The following RHPN1 variants were observed in gnomAD, a reference collection of about 807,000 sequenced individuals.
RHPN1 encodes the protein rhophilin-1.
RHPN1 carries 77 observed loss-of-function variants against 74.7 expected under a neutral mutation model. That is an observed-to-expected ratio of 1.03 (90% CI 0.86 to 1.25). The LOEUF (loss-of-function observed/expected upper bound fraction) is 1.25. Among genes scored for constraint, RHPN1 ranks in the 50% most tolerant of loss-of-function variants. The probability of loss-of-function intolerance (pLI) is 0.00; values close to 1 mark genes in which losing one functional copy is unlikely to be tolerated. For missense variants in RHPN1, 987 were observed against 932.2 expected (o/e 1.06, Z -0.77); for synonymous variants, 444 against 414.5 (o/e 1.07, Z -0.87).
chr8:143,375,729 C>T (rs1586814555), intron 2 of RHPN1, 61 bp downstream of exon 2: 3 of 1,281,940 alleles, frequency 2.3e-6, no homozygotes, highest in African/African-American at 1.5e-5. Flanking sequence ...GGGGGCAGGA[C>T]AGCCACGCAG....
chr8:143,375,735 C>T (rs772737645), intron 2 of RHPN1, 67 bp downstream of exon 2: 40 of 1,235,034 alleles, frequency 3.2e-5, no homozygotes, highest in Admixed American at 1.2e-4. Flanking sequence ...AGGACAGCCA[C>T]GCAGGCAGAT....
intron 1 of RHPN1, among the ~76,000 whole-genome samples, chr8:143,370,590 G>A (rs1817758455): frequency 6.6e-6 from 1 of 152,236 alleles, no homozygotes; most frequent in Non-Finnish European, 1.5e-5. Context: ...TTTGCCCCAG[G>A]CGTGATGAGA....
chr8:143,376,635 A>G lies in RHPN1; in HGVS notation c.287A>G (p.Asp96Gly). ...CTGGAGGAGCTCAGCGGTGGCGTGG[A>G]CCCTGGCCGGCATGGGAGGTGCGGG... ...EELEELSGGV[D>G]PGRHGSEAVT... Residue 96 changes from aspartate to glycine, a missense_variant, in exon 3 of 15, where the codon GAC becomes GGC. By Grantham distance (94) the Asp-to-Gly change is moderately conservative. Coordinates refer to ENST00000289013, the MANE Select transcript of RHPN1 (RefSeq NM_052924.3). 6.4e-7 allele frequency: 1 copy of G among 1,574,410 alleles called. No individual in the cohort carries two copies. Among genetic ancestry groups the G allele is most frequent in the Non-Finnish European group, 8.6e-7 (1 of 1,160,476 alleles).
intron 8 of RHPN1, 91 bp downstream of exon 8, chr8:143,379,599 C>G: frequency 6.9e-7 from 1 of 1,457,748 alleles, no homozygotes; most frequent in Non-Finnish European, 9.1e-7. Flanking sequence ...CTCCCACCTC[C>G]TTCCTTGTGT....
At chr8:143,381,782 C>T (rs1373425684) in intron 13 of RHPN1, 25 bp from the exon 14 acceptor site, 1 of 1,608,416 alleles carries the variant, frequency 6.2e-7, no homozygotes, top group South Asian at 1.1e-5. Context: ...CCTGTCCCCA[C>T]CTCACCGTCC....
At chr8:143,369,179 GC>G in intron 1 of RHPN1, 132 bp downstream of exon 1, 2 of 616,574 alleles carry the variant, frequency 3.2e-6, no homozygotes, top group Non-Finnish European at 5.1e-6. Flanking sequence ...GGAAACTGAG[GC>G]CAGAGCCTGC....
At chr8:143,374,482 G>A (rs1451986978) in intron 1 of RHPN1, among the ~76,000 whole-genome samples, 1 of 152,270 alleles carries the variant, frequency 6.6e-6, no homozygotes, top group Non-Finnish European at 1.5e-5. Context: ...CCAGGGCTGG[G>A]TGGGAGTCAG....
rs1352281050 is a variant in RHPN1 at position 143,382,467 on chromosome 8, G to T, written c.1829G>T (p.Arg610Met). The T allele has an allele frequency of 6.3e-7, 1 of 1,589,324 alleles. No individual in the cohort carries two copies. The highest frequency in any genetic ancestry group is 8.6e-7 in the Non-Finnish European group (1 of 1,169,138). Residue 610 changes from arginine to methionine, a missense_variant, in exon 15 of 15, where the codon AGG becomes ATG. Physicochemically the swap from Arg to Met is moderately conservative, Grantham distance 91. Transcript: ENST00000289013. ...GDRRPVLLGP[R>M]GLLRSQREHG... ...CGCCGGCCCGTCCTGCTGGGCCCCA[G>T]GGGGCTTCTAAGGAGCCAGAGGGAG...
At chr8:143,370,755 A>T (rs759149263) in intron 1 of RHPN1, among the ~76,000 whole-genome samples, 15 of 152,256 alleles carry the variant, frequency 9.9e-5, no homozygotes, top group Non-Finnish European at 2.2e-4. Flanking sequence ...GAAGCCTGGC[A>T]CGGCCCAGGG....
Position 143,380,769 on chromosome 8 carries a change from C to A in RHPN1, c.1397C>A (p.Ala466Asp). 6.3e-7 allele frequency: 1 copy of A among 1,575,248 alleles called. No homozygotes were observed. Among genetic ancestry groups the A allele is most frequent in the Non-Finnish European group, 8.6e-7 (1 of 1,158,750 alleles). Reference sequence around the variant, plus strand: ...GATGACTTCTGTGAGGCTGCCGAGGCCCCGGACATCCAGCGTGAGCAGCCA... The same window carrying A: ...GATGACTTCTGTGAGGCTGCCGAGGACCCGGACATCCAGCGTGAGCAGCCA... ...REDDFCEAAE[A>D]PDIQPKTHQK... Residue 466 changes from alanine to aspartate, a missense_variant, in exon 11 of 15, where the codon GCC becomes GAC. By Grantham distance (126) the Ala-to-Asp change is moderately radical (BLOSUM62 -2). Coordinates refer to ENST00000289013, the MANE Select transcript of RHPN1 (RefSeq NM_052924.3).
intron 8 of RHPN1, 86 bp downstream of exon 8, chr8:143,379,594 A>G (rs62524012): frequency 0.19 from 271,296 of 1,460,494 alleles, 26,285 homozygotes; most frequent in African/African-American, 0.27. Flanking sequence ...GAGCTCTCCC[A>G]CCTCCTTCCT....
intron 3 of RHPN1, among the ~76,000 whole-genome samples, chr8:143,377,011 T>C (rs190789148): frequency 1.3e-5 from 2 of 150,684 alleles, no homozygotes; most frequent in Non-Finnish European, 3.0e-5. Flanking sequence ...GGTGTGTGTT[T>C]GCCTCTATGT....
chr8:143,369,705 C>G (rs867856758), intron 1 of RHPN1, among the ~76,000 whole-genome samples: 1 of 152,226 alleles, frequency 6.6e-6, no homozygotes, highest in Non-Finnish European at 1.5e-5. Context: ...CGGACCAGCT[C>G]GAGGCTGCCC....
chr8:143,375,012 C>T (rs2130563562), intron 1 of RHPN1, among the ~76,000 whole-genome samples: 1 of 152,352 alleles, frequency 6.6e-6, no homozygotes, highest in African/African-American at 2.4e-5. Context: ...GCAGCCTCTG[C>T]ACCAACCATC....
Position 143,381,170 on chromosome 8 carries a change from G to A in RHPN1, c.1412-98G>A, listed in dbSNP as rs1290299391. On this transcript the variant is annotated intron_variant, in intron 11 of 14. Coordinates refer to ENST00000289013, the MANE Select transcript of RHPN1 (RefSeq NM_052924.3). Reference sequence around the variant, plus strand: ...GGCCAGGCCTGGAGGTCAGAAGCGGGGCCTGTGTGCACTCAGGGTCATGCC... The same window carrying A: ...GGCCAGGCCTGGAGGTCAGAAGCGGAGCCTGTGTGCACTCAGGGTCATGCC... The A allele has an allele frequency of 3.0e-6, 3 of 1,016,064 alleles. No homozygotes were observed. The Admixed American group carries it at 6.9e-5, about 23-fold the overall frequency. The allele number at this position is 1,016,064 out of a possible 1,614,324, so 62.9% of individuals were successfully genotyped here. A position where few individuals can be genotyped will look rare whatever the true frequency, so the allele number is the denominator to read the frequency against.
At chr8:143,381,437 T>C in intron 12 of RHPN1, 93 bp downstream of exon 12, 1 of 1,456,906 alleles carries the variant, frequency 6.9e-7, no homozygotes, top group South Asian at 1.3e-5. Flanking sequence ...CCATTGATGG[T>C]GGTCCAGCCC....
chr8:143,378,307 C>T lies in RHPN1; in HGVS notation c.420C>T (p.Ser140=). The T allele has an allele frequency of 1.5e-5, 23 of 1,570,722 alleles. No homozygotes were observed. Among genetic ancestry groups the T allele is most frequent in the Non-Finnish European group, 2.0e-5 (23 of 1,158,534 alleles). ...ISVHFGEDGA[S]YEAEIRELEA... is the part of the protein sequence containing the mutation. ...TGCACTTTGGAGAGGACGGCGCCTC[C>T]TACGAGGCAGAAATCAGGGAGCTGG... The change falls in exon 5 of 15, where the codon TCC becomes TCT. Residue 140 remains serine, a synonymous_variant. Coordinates refer to ENST00000289013, the MANE Select transcript of RHPN1 (RefSeq NM_052924.3).
Position 143,382,697 on chromosome 8 carries a change from A to C in RHPN1, c.*46A>C. ...CTCAGCCCTGGCTCCAGCTGGCAGCAAGCACCGAGCATGCCCTCCCCACCC... is the reference window on the plus strand; with the variant it reads ...CTCAGCCCTGGCTCCAGCTGGCAGCCAGCACCGAGCATGCCCTCCCCACCC... On this transcript the variant is annotated 3_prime_UTR_variant, in exon 15 of 15. Transcript: ENST00000289013. 1 of 1,523,654 alleles carries C rather than the reference A, an allele frequency of 6.6e-7. No individual in the cohort carries two copies. Among genetic ancestry groups the C allele is most frequent in the African/African-American group, 1.4e-5 (1 of 73,296 alleles). 94.4% of individuals were successfully genotyped at this position (1,523,654 alleles called of 1,614,324 possible).
At chr8:143,371,804 G>T (rs1021913473) in intron 1 of RHPN1, among the ~76,000 whole-genome samples, 1 of 152,230 alleles carries the variant, frequency 6.6e-6, no homozygotes, top group Non-Finnish European at 1.5e-5. Flanking sequence ...CGTGGGGGTG[G>T]GGAGCTCCAG....
Sources: allele counts gnomAD v4.1 joint callset (sites outside exome capture counted in the v4.1 genomes callset), GRCh38; gene constraint gnomAD v4.1.1; transcripts MANE v1.5; gene names NCBI Gene and HGNC (gene_info 2026-07-23, HGNC 2026-07-21).